The following ACVR1C variants were observed in gnomAD, a reference collection of about 807,000 sequenced individuals.
ACVR1C encodes activin receptor type-1C.
Under a neutral mutation model 57.9 loss-of-function variants are expected in ACVR1C, and 23 were observed. The observed-to-expected ratio is 0.40, with a 90% confidence interval of 0.29 to 0.56. The LOEUF (loss-of-function observed/expected upper bound fraction) is 0.56. Ranked by LOEUF, ACVR1C falls within the 20% of genes least tolerant of loss-of-function variation. The pLI, the probability that ACVR1C is intolerant of heterozygous loss-of-function variation, is 0.50. For synonymous variants in ACVR1C, 214 were observed against 215.3 expected (o/e 0.99, Z 0.05); for missense variants, 480 against 607.9 (o/e 0.79, Z 2.21).
At chr2:157,579,509 T>C (rs1333564319) in intron 2 of ACVR1C, among the ~76,000 whole-genome samples, 5 of 152,192 alleles carry the variant, frequency 3.3e-5, no homozygotes, top group Non-Finnish European at 7.4e-5. Context: ...TTTTTAATGG[T>C]TTCCTATTCT....
rs938050763 is a variant in ACVR1C at position 157,528,332 on chromosome 2, C to T, written c.*5586G>A. 6.6e-6 allele frequency: 1 copy of T among 152,128 alleles called. No individual in the cohort carries two copies. Among genetic ancestry groups the T allele is most frequent in the South Asian group, 2.1e-4 (1 of 4,828 alleles). The allele number at this position is 152,128 out of a possible 1,614,324, so 9.4% of individuals were successfully genotyped here. A position where few individuals can be genotyped will look rare whatever the true frequency, so the allele number is the denominator to read the frequency against. On this transcript the variant is annotated 3_prime_UTR_variant, in exon 9 of 9. Coordinates refer to ENST00000243349, the MANE Select transcript of ACVR1C (RefSeq NM_145259.3). ...CCTATTAAAATTCAGATTAACATAA[C>T]CCACAGTAAACTCTTGCAGTTAAAA...
In ACVR1C at chr2:157,601,721, C is replaced by T. The variant is rs150559134; in HGVS notation, c.74-14304G>A. On this transcript the variant is annotated intron_variant, in intron 1 of 8. Transcript: ENST00000243349. ...AAAAGATCCTGCACTTTGGAAGATGCGTATCTGTAGTTCTAATCCTGAGCC... is the reference window on the plus strand; with the variant it reads ...AAAAGATCCTGCACTTTGGAAGATGTGTATCTGTAGTTCTAATCCTGAGCC... Among the ~76,000 whole-genome samples, 250 of 152,290 alleles carry T rather than the reference C, an allele frequency of 1.6e-3. 2 individuals are homozygous for T. The highest frequency in any genetic ancestry group is 2.6e-3 in the Non-Finnish European group (179 of 68,024).
Position 157,586,586 on chromosome 2 carries a change from T to G in ACVR1C, c.304+601A>C, listed in dbSNP as rs150437184. On this transcript the variant is annotated intron_variant, in intron 2 of 8. Transcript: ENST00000243349. ...TCCTGATAAAGGGCCAGATCAGGAT[T>G]TTTAGCTTCTTATAAATTGGGATAA... Among the ~76,000 whole-genome samples, 456 of 152,226 alleles carry G rather than the reference T, an allele frequency of 3.0e-3. 3 individuals carry two copies. The highest frequency in any genetic ancestry group is 0.026 in the Admixed American group (393 of 15,272).
rs182112107 is a variant in ACVR1C, at chr2:157,577,775, T to C, written c.304+9412A>G. On this transcript the variant is annotated intron_variant, in intron 2 of 8. Coordinates refer to ENST00000243349, the MANE Select transcript of ACVR1C (RefSeq NM_145259.3). Reference sequence around the variant, plus strand: ...TATTTACATTTAATTATTACTGATATATTTGGGTGCTTTCTCTTTGTCACA... The same window carrying C: ...TATTTACATTTAATTATTACTGATACATTTGGGTGCTTTCTCTTTGTCACA... Among the ~76,000 whole-genome samples the C allele has an allele frequency of 2.2e-3, 338 of 152,306 alleles. 1 individual carries two copies. Among genetic ancestry groups the C allele is most frequent in the African/African-American group, 7.9e-3 (327 of 41,576 alleles).
At chr2:157,602,663 C>A (rs1235363595) in intron 1 of ACVR1C, among the ~76,000 whole-genome samples, 1 of 152,010 alleles carries the variant, frequency 6.6e-6, no homozygotes, top group Non-Finnish European at 1.5e-5. Context: ...GTAATATCCT[C>A]CTTTTTAGTA....
intron 1 of ACVR1C, among the ~76,000 whole-genome samples, chr2:157,610,684 G>A (rs765364318): frequency 6.6e-6 from 1 of 151,940 alleles, no homozygotes; most frequent in African/African-American, 2.4e-5. Context: ...TGTATATTTG[G>A]TCCCTTTATT....
At position 157,532,093 on chromosome 2, in the gene ACVR1C, T is replaced by G. The variant is rs1261726990; in HGVS notation, c.*1825A>C. 6.6e-6 allele frequency: 1 copy of G among 152,166 alleles called. No homozygotes were observed. Among genetic ancestry groups the G allele is most frequent in the Admixed American group, 6.6e-5 (1 of 15,256 alleles). 9.4% of individuals were successfully genotyped at this position (152,166 alleles called of 1,614,324 possible). A position where few individuals can be genotyped will look rare whatever the true frequency, so the allele number is the denominator to read the frequency against. On this transcript the variant is annotated 3_prime_UTR_variant, in exon 9 of 9. Transcript: ENST00000243349. ...ACACGCAAACTCCATAGCTGTCAGT[T>G]TTTTGCCTTCCTTATTTCAACTCAG...
chr2:157,538,678 A>G lies in ACVR1C; in HGVS notation c.1251T>C (p.Pro417=). 1 of 1,555,106 alleles carries G rather than the reference A, an allele frequency of 6.4e-7. No homozygotes were observed. Among genetic ancestry groups the G allele is most frequent in the Non-Finnish European group, 8.7e-7 (1 of 1,152,930 alleles). Residue 417 remains proline, a synonymous_variant, in exon 8 of 9, where the codon CCT becomes CCC. Coordinates refer to ENST00000243349, the MANE Select transcript of ACVR1C (RefSeq NM_145259.3). ...VGGIVEEYQL[P]YYDMVPSDPS... is the part of the protein sequence containing the mutation. ...GATCTGAAGGCACCATGTCATAATA[A>G]GGCAATTGGTACTCCTCAACAATTC...
intron 1 of ACVR1C, among the ~76,000 whole-genome samples, chr2:157,599,905 T>G (rs1331444663): frequency 2.0e-5 from 3 of 152,194 alleles, no homozygotes; most frequent in Non-Finnish European, 1.5e-5. Context: ...GTTAGGAGAC[T>G]TGGGGTTCTA....
chr2:157,544,434 GA>G lies in ACVR1C; in HGVS notation c.943+10del, dbSNP rs1484678439. On this transcript the variant is annotated intron_variant, in intron 5 of 8. Transcript: ENST00000243349. ...TTCAAAGTGGAAAAAAAATGAAAAG[GA>G]AATACATACCTTGTGTACCAACAAT... is the stretch of plus-strand genomic sequence containing the variant. The G allele has an allele frequency of 6.3e-7, 1 of 1,595,410 alleles. No individual in the cohort carries two copies. The highest frequency in any genetic ancestry group is 8.5e-7 in the Non-Finnish European group (1 of 1,172,842).
At position 157,527,768 on chromosome 2, in the gene ACVR1C, T is replaced by C. The variant is rs1344581893; in HGVS notation, c.*6150A>G. 2.0e-5 allele frequency: 3 copies of C among 152,326 alleles called. No individual in the cohort carries two copies. The highest frequency in any genetic ancestry group is 6.5e-5 in the Admixed American group (1 of 15,292). The allele number at this position is 152,326 out of a possible 1,614,324, so 9.4% of individuals were successfully genotyped here. On this transcript the variant is annotated 3_prime_UTR_variant, in exon 9 of 9. Transcript: ENST00000243349. ...TACTTAGTTACTATTATTTAGCCTA[T>C]GGAAGAAATAGAAATATTAGTAAAT...
At chr2:157,537,666 T>C (rs145058145) in intron 8 of ACVR1C, among the ~76,000 whole-genome samples, 200 of 152,150 alleles carry the variant, frequency 1.3e-3, no homozygotes, top group African/African-American at 4.3e-3. Flanking sequence ...CTAAAAAAGA[T>C]CTCATTCATT....
intron 7 of ACVR1C, 87 bp downstream of exon 7, chr2:157,541,003 G>A (rs1687613362): frequency 6.9e-7 from 1 of 1,446,392 alleles, no homozygotes; most frequent in Non-Finnish European, 9.4e-7. Flanking sequence ...ATTGAATATA[G>A]TGCTTAGGGG....
chr2:157,553,948 C>T (rs1415441351), intron 3 of ACVR1C, among the ~76,000 whole-genome samples: 1 of 151,670 alleles, frequency 6.6e-6, no homozygotes, highest in African/African-American at 2.4e-5. Context: ...TTTGGGTGGC[C>T]AAGGCAGGCA....
At position 157,544,596 on chromosome 2, in the gene ACVR1C, A is replaced by G; in HGVS notation, c.792T>C (p.Thr264=). The change falls in exon 5 of 9, where the codon ACT becomes ACC. Residue 264 remains threonine (T), a synonymous_variant. Transcript: ENST00000243349. ...GATATTCAGATACCAGCCAAAGTTG[A>G]GTCCAAGTTCCATTATCTAACAAGA... ...AADNKDNGTW[T]QLWLVSEYHE... The G allele has an allele frequency of 1.2e-6, 2 of 1,610,174 alleles. No homozygotes were observed.
At chr2:157,546,899 GCTGGTGCGCTGCACCCA>G (rs1687768677) in intron 4 of ACVR1C, among the ~76,000 whole-genome samples, 1 of 151,434 alleles carries the variant, frequency 6.6e-6, no homozygotes, top group Non-Finnish European at 1.5e-5. Flanking sequence ...CATGTGCCAT[GCTGGTGCGCTGCACCCA>G]CTAACTCGTC....
chr2:157,554,239 GAAA>G (rs1655941221), intron 3 of ACVR1C, among the ~76,000 whole-genome samples: 1 of 115,780 alleles, frequency 8.6e-6, no homozygotes. Context: ...AAGAAAGAAA[GAAA>G]GAAAGAAAGA....
chr2:157,590,801 T>G (rs1689041909), intron 1 of ACVR1C, among the ~76,000 whole-genome samples: 1 of 152,006 alleles, frequency 6.6e-6, no homozygotes, highest in South Asian at 2.1e-4. Context: ...CATCTAGGTT[T>G]CTACTGACAA....
At chr2:157,550,926 A>G (rs1194921977) in intron 3 of ACVR1C, among the ~76,000 whole-genome samples, 2 of 152,212 alleles carry the variant, frequency 1.3e-5, no homozygotes, top group African/African-American at 2.4e-5. Context: ...TAAGATATCA[A>G]ATGAATATTT....
Sources: gnomAD v4.1 joint callset for allele counts (sites outside exome capture counted in the v4.1 genomes callset) on GRCh38, gnomAD v4.1.1 for gene constraint, MANE v1.5 for transcripts, NCBI Gene and HGNC (gene_info 2026-07-23, HGNC 2026-07-21) for gene names.